The following RPH3A variants were observed in gnomAD, a reference collection of about 807,000 sequenced individuals.
RPH3A encodes rabphilin 3A.
In RPH3A, 48 loss-of-function variants were observed where a neutral mutation model predicts 102.2. The observed-to-expected ratio is 0.47, with a 90% confidence interval of 0.37 to 0.60. The LOEUF (loss-of-function observed/expected upper bound fraction) is 0.60, where lower values mean the gene tolerates loss of function less well. Among genes scored for constraint, RPH3A ranks in the 20% least tolerant of loss-of-function variants. The probability of loss-of-function intolerance (pLI) is 0.00; values close to 1 mark genes in which losing one functional copy is unlikely to be tolerated. For synonymous variants in RPH3A, 310 were observed against 324.3 expected, an observed-to-expected ratio of 0.96 and a Z score of 0.47; for missense variants, 781 against 910.1, an observed-to-expected ratio of 0.86 and a Z score of 1.83.
In RPH3A at chr12:112,805,466, C is replaced by T. The variant is rs74774839; in HGVS notation, c.-19+13203C>T. Among the ~76,000 whole-genome samples, 93 of 152,240 alleles carry T rather than the reference C, an allele frequency of 6.1e-4. 2 individuals carry two copies. The East Asian group carries it at 0.013, about 21-fold the overall frequency. On this transcript the variant is annotated intron_variant, in intron 2 of 21. Coordinates refer to ENST00000389385, the MANE Select transcript of RPH3A (RefSeq NM_001143854.2). ...GGTCATTCTGGGAGGAGGATGAATC[C>T]TCTTTTTCACTGCCTGGGAAATGGG...
In RPH3A at chr12:112,583,619, C is replaced by T. The variant is rs116598203; in HGVS notation, c.-140+8300C>T. On this transcript the variant is annotated intron_variant, in intron 1 of 21. Coordinates refer to the RPH3A transcript ENST00000543106. ...AGGAGACTTGCGTTCCTCTTCTAGC[C>T]TTACTATTCATTTGCTGTGTGGCCT... 1.4e-3 allele frequency among the ~76,000 whole-genome samples: 216 copies of T among 152,314 alleles called. 1 individual carries two copies. Among genetic ancestry groups the T allele is most frequent in the African/African-American group, 5.0e-3 (208 of 41,580 alleles).
chr12:112,827,897 A>T (rs4767015), intron 2 of RPH3A, among the ~76,000 whole-genome samples: 49,757 of 128,172 alleles, frequency 0.39, 8,298 homozygotes, highest in East Asian at 0.48. Flanking sequence ...TAAGTATAAT[A>T]AAAAAAAAAG....
intron 1 of RPH3A, among the ~76,000 whole-genome samples, chr12:112,589,900 T>C (rs1481181069): frequency 6.6e-6 from 1 of 152,090 alleles, no homozygotes; most frequent in Non-Finnish European, 1.5e-5. Flanking sequence ...TTGGCCAACG[T>C]AGTGAAATTC....
intron 4 of RPH3A, among the ~76,000 whole-genome samples, chr12:112,844,877 C>T (rs967394479): frequency 6.6e-6 from 1 of 152,206 alleles, no homozygotes; most frequent in African/African-American, 2.4e-5. Flanking sequence ...AGACATGTCA[C>T]CTGGGGCAGC....
chr12:112,718,616 G>A (rs114637861), intron 1 of RPH3A, among the ~76,000 whole-genome samples: 3,498 of 152,272 alleles, frequency 0.023, 134 homozygotes, highest in African/African-American at 0.079. Flanking sequence ...TTGCCACTGC[G>A]CGTTGCTGAG....
At chr12:112,648,173 T>C (rs2039945425) in intron 1 of RPH3A, among the ~76,000 whole-genome samples, 1 of 152,172 alleles carries the variant, frequency 6.6e-6, no homozygotes, top group African/African-American at 2.4e-5. Flanking sequence ...AGTTTTTAAT[T>C]TATCACAACT....
intron 3 of RPH3A, among the ~76,000 whole-genome samples, chr12:112,829,513 C>T (rs561626273): frequency 5.3e-5 from 8 of 152,268 alleles, no homozygotes; most frequent in Admixed American, 1.3e-4. Flanking sequence ...CTCAAGTGAT[C>T]CTCCTGCCTT....
chr12:112,613,671 C>G (rs2039655949), intron 1 of RPH3A, among the ~76,000 whole-genome samples: 1 of 152,010 alleles, frequency 6.6e-6, no homozygotes, highest in African/African-American at 2.4e-5. Flanking sequence ...TGTGATGGTG[C>G]ATGCCTGTAG....
At chr12:112,610,612 A>G (rs113047446) in intron 1 of RPH3A, among the ~76,000 whole-genome samples, 5,798 of 151,270 alleles carry the variant, frequency 0.038, 387 homozygotes, top group African/African-American at 0.13. Context: ...GCACTTAAAC[A>G]TGTCTAAAAT....
At chr12:112,838,923 G>A (rs1321523415) in intron 4 of RPH3A, among the ~76,000 whole-genome samples, 3 of 152,092 alleles carry the variant, frequency 2.0e-5, no homozygotes, top group Non-Finnish European at 4.4e-5. Flanking sequence ...GCTTCATTCT[G>A]ACCCCTCATG....
chr12:112,869,576 C>CAA (rs113867631), intron 8 of RPH3A, 183 bp from the exon 9 acceptor site: 2 of 590,588 alleles, frequency 3.4e-6, no homozygotes, highest in Non-Finnish European at 5.9e-6. Flanking sequence ...TTTGTGCATG[C>CAA]AAAAAAAAAT....
chr12:112,759,903 G>T (rs1425579935), intron 1 of RPH3A, among the ~76,000 whole-genome samples: 2 of 152,142 alleles, frequency 1.3e-5, no homozygotes, highest in Non-Finnish European at 2.9e-5. Flanking sequence ...TCATTGATCA[G>T]CCCTGAGAAC....
chr12:112,798,693 C>T (rs2041281953), intron 2 of RPH3A, among the ~76,000 whole-genome samples: 1 of 152,154 alleles, frequency 6.6e-6, no homozygotes, highest in South Asian at 2.1e-4. Context: ...TGTTTTTCCT[C>T]TGTCACTGTG....
In RPH3A at chr12:112,896,904, C is replaced by G; in HGVS notation, c.*124C>G. The G allele has an allele frequency of 9.1e-7, 1 of 1,095,134 alleles. No homozygotes were observed. The highest frequency in any genetic ancestry group is 1.3e-6 in the Non-Finnish European group (1 of 767,994). 67.8% of individuals were successfully genotyped at this position (1,095,134 alleles called of 1,614,324 possible). ...CCATACCCTGCTGATCTCCCTGAGC[C>G]TGCCTTTGAGCCCCCGTCACGTTGG... On this transcript the variant is annotated 3_prime_UTR_variant, in exon 22 of 22. Coordinates refer to ENST00000389385, the MANE Select transcript of RPH3A (RefSeq NM_001143854.2).
Position 112,660,572 on chromosome 12 carries a change from C to T in RPH3A, c.-140+85253C>T, listed in dbSNP as rs1354364991. ...TGGTGGTTCACCTCTGTAATCCCAACACTTTGGGAGGCTGAGGCAGGAGTG... is the reference window on the plus strand; with the variant it reads ...TGGTGGTTCACCTCTGTAATCCCAATACTTTGGGAGGCTGAGGCAGGAGTG... On this transcript the variant is annotated intron_variant, in intron 1 of 21. Coordinates refer to the RPH3A transcript ENST00000543106. Among the ~76,000 whole-genome samples, 3 of 152,258 alleles carry T rather than the reference C, an allele frequency of 2.0e-5. 1 individual carries two copies. The highest frequency in any genetic ancestry group is 1.3e-4 in the Admixed American group (2 of 15,282).
chr12:112,848,066 G>A (rs1220131465), intron 5 of RPH3A, among the ~76,000 whole-genome samples: 2 of 152,152 alleles, frequency 1.3e-5, no homozygotes, highest in Non-Finnish European at 2.9e-5. Context: ...AGGGACTAGA[G>A]GAGAGATTGG....
At chr12:112,827,207 C>T (rs1172647948) in intron 2 of RPH3A, among the ~76,000 whole-genome samples, 2 of 152,172 alleles carry the variant, frequency 1.3e-5, no homozygotes, top group African/African-American at 2.4e-5. Flanking sequence ...AGAAACGCTG[C>T]ACCCCAGCAC....
At chr12:112,587,278 C>T (rs1489035006) in intron 1 of RPH3A, among the ~76,000 whole-genome samples, 1 of 152,174 alleles carries the variant, frequency 6.6e-6, no homozygotes, top group African/African-American at 2.4e-5. Context: ...AATAAAAATA[C>T]ATATCAGTTT....
chr12:112,730,972 G>A (rs2040629345), intron 1 of RPH3A, among the ~76,000 whole-genome samples: 1 of 152,172 alleles, frequency 6.6e-6, no homozygotes, highest in Non-Finnish European at 1.5e-5. Flanking sequence ...CTGGTGACTG[G>A]CTGAACAGAA....
Sources: allele counts gnomAD v4.1 joint callset (sites outside exome capture counted in the v4.1 genomes callset), GRCh38; gene constraint gnomAD v4.1.1; transcripts MANE v1.5; gene names NCBI Gene and HGNC (gene_info 2026-07-23, HGNC 2026-07-21).